The following DNAH8 variants were observed in gnomAD, a reference collection of about 807,000 sequenced individuals.
DNAH8 encodes the protein dynein axonemal heavy chain 8, also known as axonemal beta dynein heavy chain 8.
Under a neutral mutation model 562.1 loss-of-function variants are expected in DNAH8, and 382 were observed. The ratio of observed to expected loss-of-function variants is 0.68; its 90% CI spans 0.63 to 0.74. The LOEUF is 0.74. DNAH8 is among the 30% of genes least tolerant of loss of function. The pLI, the probability that DNAH8 is intolerant of heterozygous loss-of-function variation, is 0.00. For missense variants in DNAH8, 5,203 were observed against 5,620.4 expected, an observed-to-expected ratio of 0.93 and a Z score of 2.37; for synonymous variants, 1,881 against 1,919.4, an observed-to-expected ratio of 0.98 and a Z score of 0.52.
chr6:38,834,688 A>C (rs1269546846), intron 32 of DNAH8, 47 bp downstream of exon 32: 1 of 1,447,630 alleles, frequency 6.9e-7, no homozygotes, highest in Non-Finnish European at 9.5e-7. Context: ...TAATTTAAAA[A>C]ATTATTTTGG....
At chr6:38,864,259 A>G (rs1583215069) in intron 45 of DNAH8, among the ~76,000 whole-genome samples, 199 bp downstream of exon 45, 1 of 152,234 alleles carries the variant, frequency 6.6e-6, no homozygotes, top group East Asian at 1.9e-4. Flanking sequence ...AAAAATTCAG[A>G]TCCAGACCTA....
chr6:39,016,705 G>A (rs1350389569), intron 91 of DNAH8, among the ~76,000 whole-genome samples: 4 of 152,158 alleles, frequency 2.6e-5, no homozygotes, highest in African/African-American at 2.4e-5. Context: ...CTTTATTCAC[G>A]TGTGATTGCT....
chr6:38,851,440 G>C (rs1775735005), intron 38 of DNAH8, 132 bp from the exon 39 acceptor site: 1 of 594,616 alleles, frequency 1.7e-6, no homozygotes, highest in South Asian at 2.1e-5. Context: ...ACATTGCAGG[G>C]GTAGGTGATA....
chr6:38,958,414 G>GGAA (rs1554145748), intron 82 of DNAH8, among the ~76,000 whole-genome samples: 1 of 131,040 alleles, frequency 7.6e-6, no homozygotes, highest in Non-Finnish European at 1.6e-5. Flanking sequence ...GATATGACTG[G>GGAA]AAAAAAAAAA....
chr6:38,857,784 T>C (rs774980373), intron 42 of DNAH8, 42 bp downstream of exon 42: 10 of 1,267,862 alleles, frequency 7.9e-6, no homozygotes, highest in Non-Finnish European at 1.1e-5. Flanking sequence ...TAACTAATAA[T>C]GAACAGCTAA....
At chr6:38,766,691 A>C (rs1234328391) in intron 11 of DNAH8, among the ~76,000 whole-genome samples, 2 of 151,826 alleles carry the variant, frequency 1.3e-5, no homozygotes, top group African/African-American at 4.8e-5. Flanking sequence ...CCCCAACCCC[A>C]AAAAGTAATT....
In DNAH8 at chr6:38,864,354, AT is replaced by A. The variant is rs1583215221; in HGVS notation, c.6498+295del. On this transcript the variant is annotated intron_variant, in intron 45 of 92. Coordinates refer to ENST00000327475, the MANE Select transcript of DNAH8 (RefSeq NM_001206927.2). ...GTGTAAGGTGCAGGCTAAATGTTCT[AT>A]GTGCTATATCAGATGGCATAACTCA... is the stretch of plus-strand genomic sequence containing the variant. Among the ~76,000 whole-genome samples the A allele has an allele frequency of 2.6e-5, 4 of 152,232 alleles. No individual in the cohort carries two copies. The East Asian group carries it at 5.8e-4, about 22-fold the overall frequency.
chr6:38,896,119 G>A lies in DNAH8; in HGVS notation c.8834G>A (p.Cys2945Tyr). ...AATATTGGCTCTGATGCAGCGTCGTGTATTCTTCCTGAACCATACTTTGTG... is the reference window on the plus strand; with the variant it reads ...AATATTGGCTCTGATGCAGCGTCGTATATTCTTCCTGAACCATACTTTGTG... Reference protein sequence around the residue: ...EENIGSDAASCILPEPYFVDF... With the variant: ...EENIGSDAASYILPEPYFVDF... The change falls in exon 60 of 93, where the codon TGT becomes TAT. Residue 2945 changes from cysteine (C) to tyrosine (Y), a missense_variant. Physicochemically the swap from Cys to Tyr is radical, Grantham distance 194. Coordinates refer to ENST00000327475, the MANE Select transcript of DNAH8 (RefSeq NM_001206927.2). The A allele has an allele frequency of 1.2e-6, 2 of 1,614,072 alleles. No homozygotes were observed. Among genetic ancestry groups the A allele is most frequent in the South Asian group, 2.2e-5 (2 of 91,074 alleles).
chr6:38,821,934 C>T (rs1412453593), intron 26 of DNAH8, among the ~76,000 whole-genome samples: 1 of 152,142 alleles, frequency 6.6e-6, no homozygotes, highest in Non-Finnish European at 1.5e-5. Flanking sequence ...GATGCTTAGT[C>T]CACATGTCTC....
intron 91 of DNAH8, among the ~76,000 whole-genome samples, chr6:39,025,373 G>A (rs1767205187): frequency 6.6e-6 from 1 of 152,190 alleles, no homozygotes; most frequent in East Asian, 1.9e-4. Context: ...TGAATGTGGG[G>A]CCCATGGATG....
chr6:38,746,404 T>A (rs1764933463), intron 8 of DNAH8, among the ~76,000 whole-genome samples: 1 of 152,212 alleles, frequency 6.6e-6, no homozygotes, highest in Admixed American at 6.5e-5. Flanking sequence ...GTATTTGTTC[T>A]GCCCTAGTCC....
chr6:38,971,631 A>T lies in DNAH8; in HGVS notation c.12491A>T (p.His4164Leu). 1 of 1,603,942 alleles carries T rather than the reference A, an allele frequency of 6.2e-7. No individual in the cohort carries two copies. The highest frequency in any genetic ancestry group is 8.5e-7 in the Non-Finnish European group (1 of 1,175,706). Residue 4164 changes from histidine (H) to leucine (L), a missense_variant, in exon 83 of 93, where the codon CAT becomes CTT. Transcript: ENST00000327475. ...TCAATGGGGCAAGGACAAGAAGTAC[A>T]TGCTCGAAAGCTGATTCAGATGTCA... ...TISMGQGQEV[H>L]ARKLIQMSMQ...
intron 29 of DNAH8, among the ~76,000 whole-genome samples, chr6:38,827,733 C>CTTTTTTTTTATTTTTTTTTTTTTTTTTT (rs1773476406): frequency 1.9e-5 from 1 of 52,240 alleles, no homozygotes; most frequent in Non-Finnish European, 3.7e-5. Context: ...CTTTACCAAA[C>CTTTTTTTTTATTTTTTTTTTTTTTTTTT]TTTTTTTTTT....
intron 30 of DNAH8, among the ~76,000 whole-genome samples, chr6:38,830,782 A>C (rs753988457): frequency 5.9e-5 from 9 of 152,336 alleles, no homozygotes; most frequent in Admixed American, 4.6e-4. Flanking sequence ...GAAGCAAGAC[A>C]TAACAGCAAG....
intron 77 of DNAH8, among the ~76,000 whole-genome samples, chr6:38,937,742 G>GA (rs1295279835): frequency 2.0e-5 from 3 of 152,164 alleles, no homozygotes; most frequent in Non-Finnish European, 4.4e-5. Context: ...CAGATGTTTA[G>GA]GCAGAGCAGG....
rs776999715 is a variant in DNAH8, at chr6:38,837,982, C to T, written c.4406C>T (p.Ser1469Leu). ...CTGTGGAGGAAATTTGTTACGTATTCATCTGGTGAACAACTTTTTGGATTG... is the reference window on the plus strand; with the variant it reads ...CTGTGGAGGAAATTTGTTACGTATTTATCTGGTGAACAACTTTTTGGATTG... ...DDLWRKFVTY[S>L]SGEQLFGLPV... Residue 1469 changes from serine to leucine, a missense_variant, in exon 33 of 93, where the codon TCA (serine) becomes TTA (leucine). Physicochemically the swap from Ser to Leu is moderately radical, Grantham distance 145. This residue lies in a region of DNAH8 where 2,176 missense variants were observed against 2,365.1 expected (regional missense o/e 0.92). Transcript: ENST00000327475. 1 of 1,613,112 alleles carries T rather than the reference C, an allele frequency of 6.2e-7. No homozygotes were observed. The highest frequency in any genetic ancestry group is 8.5e-7 in the Non-Finnish European group (1 of 1,179,552).
intron 76 of DNAH8, among the ~76,000 whole-genome samples, chr6:38,935,101 C>T (rs566450213): frequency 2.0e-5 from 3 of 152,280 alleles, no homozygotes; most frequent in South Asian, 2.1e-4. Context: ...TATTGGCAAT[C>T]GGCTGTGCCA....
chr6:38,921,652 A>G, intron 71 of DNAH8, 146 bp downstream of exon 71: 1 of 984,396 alleles, frequency 1.0e-6, no homozygotes, highest in Non-Finnish European at 1.5e-6. Flanking sequence ...GCTCAAAATT[A>G]TTTTTTGTGT....
At position 38,886,945 on chromosome 6, in the gene DNAH8, G is replaced by T; in HGVS notation, c.8414G>T (p.Arg2805Ile). 6.2e-7 allele frequency: 1 copy of T among 1,613,954 alleles called. No individual in the cohort carries two copies. The highest frequency in any genetic ancestry group is 1.1e-5 in the South Asian group (1 of 91,074). ...GRNDIPQRLK[R>I]QFTVFNCTLP... is the part of the protein sequence containing the mutation. ...AATGATATTCCACAACGTTTAAAAAGACAATTTACTGTGTTTAATTGTACA... is the reference window on the plus strand; with the variant it reads ...AATGATATTCCACAACGTTTAAAAATACAATTTACTGTGTTTAATTGTACA... Residue 2805 changes from arginine to isoleucine, a missense_variant, in exon 57 of 93, where the codon AGA becomes ATA. By Grantham distance (97) the Arg-to-Ile change is moderately conservative. Transcript: ENST00000327475.
Sources: gnomAD v4.1 joint callset for allele counts (sites outside exome capture counted in the v4.1 genomes callset) on GRCh38, gnomAD v4.1.1 for gene constraint, gnomAD v4.1.1 regional missense constraint, MANE v1.5 for transcripts, NCBI Gene and HGNC (gene_info 2026-07-23, HGNC 2026-07-21) for gene names.